CYLD: variants seen among roughly 807,000 people sequenced by gnomAD.
The protein encoded by CYLD is CYLD lysine 63 deubiquitinase.
A neutral mutation model predicts 104.5 loss-of-function variants in CYLD; 26 were observed. The observed-to-expected ratio is 0.25, with a 90% CI of 0.18 to 0.35. The LOEUF (loss-of-function observed/expected upper bound fraction) is 0.35. CYLD is among the 10% of genes least tolerant of loss of function. CYLD has a pLI of 1.00. For missense variants in CYLD, 703 were observed against 1,136.1 expected (o/e 0.62, Z 5.48); for synonymous variants, 385 against 399.9 (o/e 0.96, Z 0.45).
chr16:50,787,551 C>T, intron 13 of CYLD: 1 of 457,546 alleles, frequency 2.2e-6, no homozygotes, highest in Non-Finnish European at 4.0e-6. Flanking sequence ...TGTGTTACAC[C>T]CTTTCAAATG....
intron 13 of CYLD, 43 bp downstream of exon 13, chr16:50,786,989 A>G (rs774387797): frequency 6.2e-6 from 9 of 1,451,080 alleles, no homozygotes; most frequent in Admixed American, 1.7e-5. Flanking sequence ...ACTGAAGAGC[A>G]TATTCACATG....
chr16:50,782,413 GA>G lies in CYLD; in HGVS notation c.1776del (p.Gly593AlafsTer11). 1 of 1,614,060 alleles carries G rather than the reference GA, an allele frequency of 6.2e-7. No individual in the cohort carries two copies. Among genetic ancestry groups the G allele is most frequent in the Non-Finnish European group, 8.5e-7 (1 of 1,179,948 alleles). On this transcript the variant is annotated frameshift_variant, in exon 11 of 19. Coordinates refer to ENST00000427738, the MANE Select transcript of CYLD (RefSeq NM_001378743.1). LOFTEE classifies it high-confidence loss of function. Reference sequence around the variant, plus strand: ...GCTTGGAGATAATGATTGGGAAGAAGAAAGGCATCCAGGGTCATTACAATTC... The same window carrying G: ...GCTTGGAGATAATGATTGGGAAGAAGAAGGCATCCAGGGTCATTACAATTC... ...EGLEIMIGKKKGIQGHYNSCY... is the reference protein window; with the variant it reads ...EGLEIMIGKKXGIQGHYNSCY...
intron 1 of CYLD, 29 bp downstream of exon 1, chr16:50,742,153 G>T (rs1012762764): frequency 1.3e-5 from 2 of 152,118 alleles, no homozygotes; most frequent in African/African-American, 4.8e-5. Context: ...GGTGTGGGGA[G>T]CCGGGGCCGG....
At chr16:50,765,440 C>G (rs1303558618) in intron 5 of CYLD, among the ~76,000 whole-genome samples, 3 of 152,172 alleles carry the variant, frequency 2.0e-5, no homozygotes, top group African/African-American at 7.2e-5. Context: ...GCCTCTGTCT[C>G]TCTCACTCCT....
chr16:50,758,658 G>C lies in CYLD; in HGVS notation c.913+4234G>C, dbSNP rs1596998570. ...GGATATAATGTAAAGATCCCATCAA[G>C]ATTTGCAGATGGGTTGGGTGTGAGG... On this transcript the variant is annotated intron_variant, in intron 5 of 18. Transcript: ENST00000427738. 5.3e-5 allele frequency among the ~76,000 whole-genome samples: 8 copies of C among 152,274 alleles called. No individual in the cohort carries two copies. In the South Asian group the frequency reaches 1.7e-3, roughly 32 times the overall value.
At chr16:50,784,194 G>A (rs1970580527) in intron 11 of CYLD, 135 bp from the exon 12 acceptor site, 1 of 928,032 alleles carries the variant, frequency 1.1e-6, no homozygotes, top group Non-Finnish European at 1.7e-6. Context: ...TGGTACCTGT[G>A]TTAATGAAAA....
intron 11 of CYLD, 114 bp from the exon 12 acceptor site, chr16:50,784,215 T>C: frequency 8.5e-7 from 1 of 1,171,638 alleles, no homozygotes; most frequent in Non-Finnish European, 1.2e-6. Flanking sequence ...ACACAAATTG[T>C]TATGTTATTT....
intron 2 of CYLD, 141 bp from the exon 3 acceptor site, chr16:50,749,430 TGAAAA>T: frequency 1.8e-6 from 1 of 548,964 alleles, no homozygotes. Flanking sequence ...AGATATTTTT[TGAAAA>T]TATTTCATTT....
intron 9 of CYLD, 118 bp downstream of exon 9, chr16:50,780,162 G>A: frequency 7.9e-7 from 1 of 1,266,010 alleles, no homozygotes; most frequent in African/African-American, 1.5e-5. Flanking sequence ...TATCACTGCA[G>A]AATAATTTTC....
In CYLD at chr16:50,777,875, T is replaced by C. The variant is rs1270144148; in HGVS notation, c.1072T>C (p.Leu358=). Residue 358 remains leucine, a synonymous_variant, in exon 8 of 19, where the codon TTA becomes CTA. Coordinates refer to ENST00000427738, the MANE Select transcript of CYLD (RefSeq NM_001378743.1). ...NRNRSELFYT[L]NGSSVDSQPQ... ...AAACAGATCTGAATTATTTTATACC[T>C]TAAATGGGTCTTCTGTTGACTCACA... 5 of 1,609,614 alleles carry C rather than the reference T, an allele frequency of 3.1e-6. No homozygotes were observed. In the South Asian group the frequency reaches 5.5e-5, roughly 18 times the overall value.
Position 50,749,639 on chromosome 16 carries a change from T to G in CYLD, c.-60T>G. The G allele has an allele frequency of 1.9e-6, 3 of 1,563,430 alleles. No homozygotes were observed. The highest frequency in any genetic ancestry group is 2.6e-6 in the Non-Finnish European group (3 of 1,143,512). ...CCACTGAATTTATCTTTTGCGGTTT[T>G]ATGACAAAGTTATTAGTAGTTTCCC... is the stretch of plus-strand genomic sequence containing the variant. On this transcript the variant is annotated 5_prime_UTR_variant, in exon 3 of 19. Coordinates refer to ENST00000427738, the MANE Select transcript of CYLD (RefSeq NM_001378743.1).
chr16:50,783,224 C>T (rs369285105), intron 11 of CYLD, among the ~76,000 whole-genome samples: 7 of 152,164 alleles, frequency 4.6e-5, no homozygotes, highest in South Asian at 4.1e-4. Context: ...TGAGCCACCA[C>T]GCCCAGCCTT....
rs1567464996 is a variant in CYLD at position 50,798,731 on chromosome 16, C to A, written c.*2223C>A. 1 of 233,220 alleles carries A rather than the reference C, an allele frequency of 4.3e-6. No homozygotes were observed. The highest frequency in any genetic ancestry group is 1.8e-4 in the South Asian group (1 of 5,532). 14.4% of individuals were successfully genotyped at this position (233,220 alleles called of 1,614,324 possible). A position where few individuals can be genotyped will look rare whatever the true frequency, so the allele number is the denominator to read the frequency against. On this transcript the variant is annotated 3_prime_UTR_variant, in exon 19 of 19. Coordinates refer to ENST00000427738, the MANE Select transcript of CYLD (RefSeq NM_001378743.1). ...TCATGGTAGAGAACTTGAAGAAGAC[C>A]TGTTTGGATGGACACCTGGTTTCAA...
intron 5 of CYLD, among the ~76,000 whole-genome samples, chr16:50,763,063 T>A (rs1015572047): frequency 6.6e-6 from 1 of 152,228 alleles, no homozygotes; most frequent in Non-Finnish European, 1.5e-5. Flanking sequence ...ACTACCAGTC[T>A]ACTTCTGTCT....
intron 2 of CYLD, among the ~76,000 whole-genome samples, chr16:50,743,791 G>A (rs772138821): frequency 2.0e-5 from 3 of 152,106 alleles, no homozygotes; most frequent in Non-Finnish European, 2.9e-5. Context: ...ACTTGGTTTC[G>A]TAATTGTGAA....
chr16:50,784,498 T>G (rs1275197481), intron 12 of CYLD, 47 bp downstream of exon 12: 2 of 1,598,066 alleles, frequency 1.3e-6, no homozygotes, highest in Admixed American at 3.3e-5. Context: ...GGTGTTCTAT[T>G]TGCTGTTTTC....
In CYLD at chr16:50,801,892, A is replaced by G. The variant is rs886052072; in HGVS notation, c.*5384A>G. On this transcript the variant is annotated 3_prime_UTR_variant, in exon 19 of 19. Transcript: ENST00000427738. ...GAAGTGCTGCTGTGGAAAGAAATGT[A>G]CATATACTATTTCTGTATCATTAAA... The G allele has an allele frequency of 1.7e-5, 4 of 231,632 alleles. No homozygotes were observed. Among genetic ancestry groups the G allele is most frequent in the African/African-American group, 8.8e-5 (4 of 45,244 alleles). 14.3% of individuals were successfully genotyped at this position (231,632 alleles called of 1,614,324 possible).
intron 8 of CYLD, among the ~76,000 whole-genome samples, chr16:50,778,625 G>A (rs757897236): frequency 3.9e-5 from 6 of 152,116 alleles, no homozygotes; most frequent in Admixed American, 3.9e-4. Context: ...GAACTTCCTC[G>A]GGAGAAGAAA....
chr16:50,768,364 A>G (rs1463987577), intron 5 of CYLD, among the ~76,000 whole-genome samples: 1 of 152,192 alleles, frequency 6.6e-6, no homozygotes, highest in Non-Finnish European at 1.5e-5. Flanking sequence ...AAAAAAGTCA[A>G]AGTGTCTCCT....
Sources: gnomAD v4.1 joint callset for allele counts (sites outside exome capture counted in the v4.1 genomes callset) on GRCh38, gnomAD v4.1.1 for gene constraint, MANE v1.5 for transcripts, NCBI Gene and HGNC (gene_info 2026-07-23, HGNC 2026-07-21) for gene names.